CASP10: variants seen among roughly 807,000 people sequenced by gnomAD.
CASP10 encodes caspase-10.
CASP10 carries 41 observed loss-of-function variants against 48.5 expected under a neutral mutation model. That is an observed-to-expected ratio of 0.85 (90% CI 0.66 to 1.10). The LOEUF (loss-of-function observed/expected upper bound fraction) is 1.10, where lower values mean the gene tolerates loss of function less well. Among genes scored for constraint, CASP10 ranks in the 50% least tolerant of loss-of-function variants. The pLI, the probability that CASP10 is intolerant of heterozygous loss-of-function variation, is 0.00. For synonymous variants in CASP10, 232 were observed against 238.4 expected (o/e 0.97, Z 0.25); for missense variants, 614 against 614.5 (o/e 1.00, Z 0.01).
rs1423034165 is a variant in CASP10 at position 201,200,618 on chromosome 2, G to T, written c.685-3112G>T. 2.4e-5 allele frequency: 35 copies of T among 1,469,980 alleles called. No homozygotes were observed. The South Asian group carries it at 3.7e-4, about 15-fold the overall frequency. 91.1% of individuals were successfully genotyped at this position (1,469,980 alleles called of 1,614,324 possible). On this transcript the variant is annotated intron_variant, in intron 5 of 9. Transcript: ENST00000286186. ...TTCGGCTCTGCCCTGAACCTCATTCGGCAGGTGGAGGTATTTAGGCATTTG... is the reference window on the plus strand; with the variant it reads ...TTCGGCTCTGCCCTGAACCTCATTCTGCAGGTGGAGGTATTTAGGCATTTG...
At position 201,205,969 on chromosome 2, in the gene CASP10, C is replaced by A. The variant is rs1945189904; in HGVS notation, c.809C>A (p.Thr270Lys). The A allele has an allele frequency of 6.2e-7, 1 of 1,603,982 alleles. No homozygotes were observed. The highest frequency in any genetic ancestry group is 8.5e-7 in the Non-Finnish European group (1 of 1,170,902). Residue 270 changes from threonine to lysine, a missense_variant, in exon 7 of 10, where the codon ACA (threonine) becomes AAA (lysine). Transcript: ENST00000286186. ...AACACTCTAAACTCTGAAACCAGCACAAAGGTCTGGATGGTTTCTTTTATT... is the reference window on the plus strand; with the variant it reads ...AACACTCTAAACTCTGAAACCAGCAAAAAGGTCTGGATGGTTTCTTTTATT... ...SANTLNSETS[T>K]KRAAVYRMNR...
intron 4 of CASP10, among the ~76,000 whole-genome samples, chr2:201,195,017 T>G (rs997884553): frequency 6.6e-6 from 1 of 152,152 alleles, no homozygotes; most frequent in Non-Finnish European, 1.5e-5. Context: ...GACCTCATGA[T>G]CAGCCTGCCT....
At chr2:201,203,375 C>T (rs1362960318) in intron 5 of CASP10, among the ~76,000 whole-genome samples, 6 of 151,070 alleles carry the variant, frequency 4.0e-5, no homozygotes, top group Admixed American at 1.3e-4. Context: ...TGCGCAATCT[C>T]GGCCCACTGC....
chr2:201,218,236 T>C lies in CASP10; in HGVS notation c.*495T>C. 1 of 1,016,396 alleles carries C rather than the reference T, an allele frequency of 9.8e-7. No homozygotes were observed. The highest frequency in any genetic ancestry group is 1.2e-6 in the Non-Finnish European group (1 of 848,410). 63.0% of individuals were successfully genotyped at this position (1,016,396 alleles called of 1,614,324 possible). A position where few individuals can be genotyped will look rare whatever the true frequency, so the allele number is the denominator to read the frequency against. ...ACACCTGGCCAGAAAACTTTCATTA[T>C]TGAAGACTTGGATTGTAGCCTTGGT... On this transcript the variant is annotated 3_prime_UTR_variant, in exon 10 of 10. Transcript: ENST00000286186.
chr2:201,192,802 A>G (rs1944656405), intron 3 of CASP10, among the ~76,000 whole-genome samples, 182 bp from the exon 4 acceptor site: 1 of 152,192 alleles, frequency 6.6e-6, no homozygotes, highest in Admixed American at 6.5e-5. Flanking sequence ...GTATTAATAT[A>G]GATTGTATAC....
intron 4 of CASP10, among the ~76,000 whole-genome samples, chr2:201,193,817 AGAGTC>A (rs1944697295): frequency 6.6e-6 from 1 of 152,196 alleles, no homozygotes; most frequent in Admixed American, 6.5e-5. Context: ...TGGACTCTAT[AGAGTC>A]GGATTGCCAG....
chr2:201,196,107 T>A (rs527532940), intron 5 of CASP10, 159 bp downstream of exon 5: 2 of 604,034 alleles, frequency 3.3e-6, no homozygotes, highest in South Asian at 3.8e-5. Context: ...CAACATGATA[T>A]CAACCAGAGT....
At chr2:201,191,170 T>C (rs1367433365) in intron 3 of CASP10, among the ~76,000 whole-genome samples, 1 of 152,016 alleles carries the variant, frequency 6.6e-6, no homozygotes, top group African/African-American at 2.4e-5. Flanking sequence ...CCAGAATTAT[T>C]TTTATGGTCA....
At chr2:201,188,714 A>T (rs868049519) in intron 3 of CASP10, among the ~76,000 whole-genome samples, 2 of 151,340 alleles carry the variant, frequency 1.3e-5, no homozygotes, top group South Asian at 4.2e-4. Context: ...GCTTCATCAG[A>T]CTCAGGTCAG....
intron 9 of CASP10, chr2:201,213,100 G>T (rs192594636): frequency 6.6e-5 from 10 of 152,220 alleles, no homozygotes; most frequent in Non-Finnish European, 2.9e-5. Flanking sequence ...CTTTTATTTG[G>T]AGTTGCACCA....
intron 9 of CASP10, chr2:201,228,840 A>G: frequency 3.6e-6 from 4 of 1,102,194 alleles, no homozygotes; most frequent in Non-Finnish European, 5.4e-6. Context: ...CTGCCCATAA[A>G]AAAGCTATGC....
chr2:201,202,348 G>C (rs1463066100), intron 5 of CASP10, among the ~76,000 whole-genome samples: 3 of 152,172 alleles, frequency 2.0e-5, no homozygotes, highest in East Asian at 1.9e-4. Context: ...CTCTGACATA[G>C]AGACTTGAGA....
intron 2 of CASP10, among the ~76,000 whole-genome samples, chr2:201,187,324 C>T (rs925295276): frequency 1.3e-5 from 2 of 152,070 alleles, no homozygotes; most frequent in Admixed American, 6.6e-5. Context: ...ACCGACTGTA[C>T]CTTGGCTGGC....
In CASP10 at chr2:201,218,148, C is replaced by T. The variant is rs565329680; in HGVS notation, c.*407C>T. ...TGTTGCACAGGCTGGTTTCAAACTC[C>T]TAGGCCCAAGTGATCCTCCCACCTC... On this transcript the variant is annotated 3_prime_UTR_variant, in exon 10 of 10. Coordinates refer to ENST00000286186, the MANE Select transcript of CASP10 (RefSeq NM_032977.4). The T allele has an allele frequency of 9.9e-7, 1 of 1,007,622 alleles. No homozygotes were observed. Among genetic ancestry groups the T allele is most frequent in the South Asian group, 2.6e-5 (1 of 39,192 alleles). The allele number at this position is 1,007,622 out of a possible 1,614,324, so 62.4% of individuals were successfully genotyped here. A position where few individuals can be genotyped will look rare whatever the true frequency, so the allele number is the denominator to read the frequency against.
chr2:201,186,755 C>T (rs1169104194), intron 2 of CASP10, among the ~76,000 whole-genome samples: 2 of 152,152 alleles, frequency 1.3e-5, no homozygotes, highest in African/African-American at 4.8e-5. Context: ...GGCACCATCT[C>T]AGCTCACTGC....
intron 8 of CASP10, 77 bp from the exon 9 acceptor site, chr2:201,208,993 A>G (rs1576125470): frequency 5.9e-6 from 9 of 1,515,570 alleles, no homozygotes; most frequent in Admixed American, 2.0e-5. Flanking sequence ...TCAGTTCTTC[A>G]TTTTGTTTTG....
At chr2:201,215,767 G>T (rs1290285086) in intron 9 of CASP10, among the ~76,000 whole-genome samples, 3 of 151,812 alleles carry the variant, frequency 2.0e-5, no homozygotes, top group Non-Finnish European at 4.4e-5. Flanking sequence ...ACATTTTAGG[G>T]TTTTTTTCCC....
chr2:201,226,051 A>C (rs1028348701), downstream of CASP10, among the ~76,000 whole-genome samples: 1 of 152,258 alleles, frequency 6.6e-6, no homozygotes, highest in Non-Finnish European at 1.5e-5. Flanking sequence ...TAAAGGAGAT[A>C]TATGTACATA....
chr2:201,214,896 C>A (rs1054216875), intron 9 of CASP10: 1 of 151,956 alleles, frequency 6.6e-6, no homozygotes, highest in African/African-American at 2.4e-5. Flanking sequence ...TAGACTAATA[C>A]CCCCAGAAGT....
Sources: allele counts gnomAD v4.1 joint callset (sites outside exome capture counted in the v4.1 genomes callset), GRCh38; gene constraint gnomAD v4.1.1; transcripts MANE v1.5; gene names NCBI Gene and HGNC (gene_info 2026-07-23, HGNC 2026-07-21).